The following TBC1D14 variants were observed in gnomAD, a reference collection of about 807,000 sequenced individuals.
TBC1D14 encodes TBC1 domain family member 14.
TBC1D14 carries 26 observed loss-of-function variants against 79.0 expected under a neutral mutation model. The ratio of observed to expected loss-of-function variants is 0.33; its 90% CI spans 0.24 to 0.46. TBC1D14 has a LOEUF of 0.46. Ranked by LOEUF, TBC1D14 falls within the 20% of genes least tolerant of loss-of-function variation. TBC1D14 has a pLI of 1.00. For missense variants in TBC1D14, 769 were observed against 887.6 expected (o/e 0.87, Z 1.70); for synonymous variants, 394 against 349.9 (o/e 1.13, Z -1.40).
intron 2 of TBC1D14, among the ~76,000 whole-genome samples, chr4:6,945,852 C>T (rs1316275582): frequency 2.0e-5 from 3 of 149,806 alleles, no homozygotes; most frequent in Non-Finnish European, 4.4e-5. Flanking sequence ...GCGAAGTTCT[C>T]AGTCCTAGCT....
chr4:6,912,262 G>A (rs2108892389), intron 1 of TBC1D14, among the ~76,000 whole-genome samples: 2 of 151,786 alleles, frequency 1.3e-5, no homozygotes, highest in South Asian at 4.2e-4. Flanking sequence ...GGTGGTGCGT[G>A]CCAGCTACTT....
At chr4:6,932,390 A>AG (rs2108949348) in intron 2 of TBC1D14, among the ~76,000 whole-genome samples, 1 of 151,508 alleles carries the variant, frequency 6.6e-6, no homozygotes, top group Non-Finnish European at 1.5e-5. Flanking sequence ...AAAAAAAAAA[A>AG]AGACTTGAAG....
upstream of TBC1D14, chr4:6,909,601 A>C (rs1363229146): frequency 6.6e-6 from 1 of 150,558 alleles, no homozygotes; most frequent in Non-Finnish European, 1.5e-5. Flanking sequence ...CTCCGGCAAA[A>C]AAAAAGGGCC....
intron 13 of TBC1D14, among the ~76,000 whole-genome samples, chr4:7,029,595 G>C (rs1722836168): frequency 6.6e-6 from 1 of 152,248 alleles, no homozygotes; most frequent in Admixed American, 6.5e-5. Context: ...GGGAGGCCAA[G>C]GCGGGCGTAT....
intron 9 of TBC1D14, chr4:7,007,621 G>A (rs1343633133): frequency 1.0e-5 from 13 of 1,288,590 alleles, no homozygotes; most frequent in Admixed American, 2.3e-5. Flanking sequence ...TGGTCCTGGT[G>A]TCTGGTGCGT....
intron 2 of TBC1D14, among the ~76,000 whole-genome samples, chr4:6,956,993 C>T (rs894639356): frequency 6.6e-6 from 1 of 152,254 alleles, no homozygotes; most frequent in Non-Finnish European, 1.5e-5. Context: ...CCACCACACC[C>T]CACAGCTTTG....
At chr4:7,028,442 T>C (rs1255777983) in intron 13 of TBC1D14, among the ~76,000 whole-genome samples, 1 of 151,908 alleles carries the variant, frequency 6.6e-6, no homozygotes, top group Non-Finnish European at 1.5e-5. Context: ...TGTTTTTTTT[T>C]TGAGACGGAG....
chr4:6,965,159 T>C (rs764206417), intron 2 of TBC1D14, among the ~76,000 whole-genome samples: 1 of 17,244 alleles, frequency 5.8e-5, no homozygotes, highest in Non-Finnish European at 1.9e-4. Flanking sequence ...GTCCCAATAA[T>C]CTTTTTTTTT....
intron 1 of TBC1D14, among the ~76,000 whole-genome samples, chr4:6,913,702 A>C (rs1723176525): frequency 1.3e-5 from 2 of 152,240 alleles, no homozygotes. Flanking sequence ...TACCGGTTTT[A>C]AGTAGTCTAA....
At chr4:6,936,506 G>A (rs1217589941) in intron 2 of TBC1D14, among the ~76,000 whole-genome samples, 1 of 152,144 alleles carries the variant, frequency 6.6e-6, no homozygotes, top group Non-Finnish European at 1.5e-5. Flanking sequence ...CTGCATGTAT[G>A]TACCGTAGTT....
chr4:6,989,236 G>C (rs529449454), intron 3 of TBC1D14, among the ~76,000 whole-genome samples: 1 of 152,246 alleles, frequency 6.6e-6, no homozygotes, highest in South Asian at 2.1e-4. Context: ...GGATGCGTCT[G>C]AGGGGCTCCC....
chr4:6,978,088 T>C (rs375921863), intron 3 of TBC1D14, among the ~76,000 whole-genome samples: 15,483 of 132,310 alleles, frequency 0.12, 1,341 homozygotes, highest in African/African-American at 0.26. Flanking sequence ...GCCCCCCGCC[T>C]GGCCAGCCGC....
chr4:6,999,337 C>T, intron 6 of TBC1D14, 135 bp downstream of exon 6: 2 of 774,246 alleles, frequency 2.6e-6, no homozygotes, highest in East Asian at 5.1e-5. Flanking sequence ...TTCCTTCCCT[C>T]TACCCTGGCT....
chr4:6,923,127 G>C (rs1340137210), intron 1 of TBC1D14, among the ~76,000 whole-genome samples: 1 of 152,232 alleles, frequency 6.6e-6, no homozygotes, highest in East Asian at 1.9e-4. Context: ...CTTGAACCCA[G>C]GAGGCAGAGG....
chr4:6,935,666 CAG>C (rs1560258671), intron 2 of TBC1D14, among the ~76,000 whole-genome samples: 1 of 149,072 alleles, frequency 6.7e-6, no homozygotes, highest in Admixed American at 6.7e-5. Flanking sequence ...TTTTTTGAGA[CAG>C]AGTCTCACTG....
At chr4:6,983,336 C>T (rs1286647906) in intron 3 of TBC1D14, among the ~76,000 whole-genome samples, 3 of 151,976 alleles carry the variant, frequency 2.0e-5, no homozygotes, top group Admixed American at 6.6e-5. Context: ...GAAATTTGGG[C>T]AAAGGACAGC....
chr4:7,029,406 G>A (rs959299496), intron 13 of TBC1D14, among the ~76,000 whole-genome samples: 1 of 152,254 alleles, frequency 6.6e-6, no homozygotes, highest in African/African-American at 2.4e-5. Flanking sequence ...CTCATGTTGG[G>A]GCATTAGCCT....
intron 1 of TBC1D14, among the ~76,000 whole-genome samples, chr4:6,913,379 C>T (rs1723152076): frequency 1.3e-5 from 2 of 152,198 alleles, no homozygotes; most frequent in South Asian, 4.1e-4. Context: ...TATCGATGAT[C>T]AGGGTTATTG....
At chr4:6,930,894 TTTTA>T (rs1351298461) in intron 2 of TBC1D14, among the ~76,000 whole-genome samples, 2 of 152,128 alleles carry the variant, frequency 1.3e-5, no homozygotes, top group African/African-American at 2.4e-5. Context: ...GGGTCTTCTT[TTTTA>T]TTTATTTTTA....
Sources: gnomAD v4.1 joint callset for allele counts (sites outside exome capture counted in the v4.1 genomes callset) on GRCh38, gnomAD v4.1.1 for gene constraint, MANE v1.5 for transcripts, NCBI Gene and HGNC (gene_info 2026-07-23, HGNC 2026-07-21) for gene names.